The following PCDH15 variants were observed in gnomAD, a reference collection of about 807,000 sequenced individuals.
PCDH15 encodes the protein protocadherin-15.
In PCDH15, 129 loss-of-function variants were observed where a neutral mutation model predicts 178.5. The observed-to-expected ratio is 0.72, with a 90% CI of 0.63 to 0.84. PCDH15 has a LOEUF of 0.84. Ranked by LOEUF, PCDH15 falls within the 40% of genes least tolerant of loss-of-function variation. The pLI, the probability that PCDH15 is intolerant of heterozygous loss-of-function variation, is 0.00. For missense variants in PCDH15, 2,230 were observed against 2,099.9 expected, an observed-to-expected ratio of 1.06 and a Z score of -1.21; for synonymous variants, 800 against 732.0, an observed-to-expected ratio of 1.09 and a Z score of -1.50.
At chr10:55,177,908 G>A (rs1839539706) in intron 1 of PCDH15, among the ~76,000 whole-genome samples, 1 of 152,158 alleles carries the variant, frequency 6.6e-6, no homozygotes, top group African/African-American at 2.4e-5. Flanking sequence ...AGCAGGGTAT[G>A]CAGTAGTCAC....
intron 2 of PCDH15, among the ~76,000 whole-genome samples, chr10:54,912,731 A>G (rs1375935891): frequency 2.0e-5 from 3 of 152,156 alleles, no homozygotes; most frequent in Non-Finnish European, 4.4e-5. Flanking sequence ...GGCAAGGTTG[A>G]AACAGTTTGG....
chr10:55,616,145 A>G (rs528307063), intron 2 of PCDH15, among the ~76,000 whole-genome samples: 1 of 152,292 alleles, frequency 6.6e-6, no homozygotes, highest in African/African-American at 2.4e-5. Context: ...CCACATTTTT[A>G]AAGAAAAGCA....
Position 54,079,419 on chromosome 10 carries a change from C to T in PCDH15, c.2003G>A (p.Gly668Glu), listed in dbSNP as rs2094400330. ...QRVFNLSETT[G>E]ILTLGKALDR... Reference sequence around the variant, plus strand: ...CAGTGCTTTCCCTAAGGTTAGAATCCCCGTGCTAGTGACAAAACAAACAAA... The same window carrying T: ...CAGTGCTTTCCCTAAGGTTAGAATCTCCGTGCTAGTGACAAAACAAACAAA... Residue 668 changes from glycine (G) to glutamate (E), a missense_variant, in exon 17 of 38, where the codon GGG (glycine) becomes GAG (glutamate). Gly to Glu is a moderately conservative substitution (Grantham distance 98). Coordinates refer to ENST00000644397, the MANE Select transcript of PCDH15 (RefSeq NM_001384140.1). The T allele has an allele frequency of 6.2e-7, 1 of 1,613,618 alleles. No individual in the cohort carries two copies. The highest frequency in any genetic ancestry group is 1.3e-5 in the African/African-American group (1 of 74,850).
At chr10:54,131,481 T>C (rs1393211158) in intron 15 of PCDH15, among the ~76,000 whole-genome samples, 1 of 152,172 alleles carries the variant, frequency 6.6e-6, no homozygotes, top group East Asian at 1.9e-4. Flanking sequence ...CTTTGACTTT[T>C]TTTTCCTCCT....
In PCDH15 at chr10:54,811,838, A is replaced by G. The variant is rs979375459; in HGVS notation, c.-29+85612T>C. On this transcript the variant is annotated intron_variant, in intron 3 of 5. Coordinates refer to the PCDH15 transcript ENST00000458638. ...TAGAATCATCTCAGTAAATGTAACT[A>G]AACTGAATAATTATGAGTTTAACAA... 9.8e-5 allele frequency among the ~76,000 whole-genome samples: 15 copies of G among 152,336 alleles called. No homozygotes were observed. In the East Asian group the frequency reaches 2.9e-3, roughly 29 times the overall value.
chr10:54,092,197 A>G (rs2094610384), intron 15 of PCDH15, among the ~76,000 whole-genome samples: 1 of 152,086 alleles, frequency 6.6e-6, no homozygotes, highest in Admixed American at 6.6e-5. Flanking sequence ...CTTACATTCC[A>G]ATGCAACCCA....
At chr10:54,554,481 A>G (rs1590075161) in intron 2 of PCDH15, among the ~76,000 whole-genome samples, 1 of 152,188 alleles carries the variant, frequency 6.6e-6, no homozygotes, top group East Asian at 1.9e-4. Flanking sequence ...AAGACTTAGG[A>G]TAATCTAAGG....
intron 18 of PCDH15, among the ~76,000 whole-genome samples, chr10:54,049,558 T>C (rs1396534510): frequency 1.3e-5 from 2 of 152,214 alleles, no homozygotes; most frequent in African/African-American, 4.8e-5. Flanking sequence ...GCCTAGTTTC[T>C]TGTGGGTTTT....
intron 25 of PCDH15, among the ~76,000 whole-genome samples, chr10:53,911,871 A>G (rs2083118615): frequency 6.6e-6 from 1 of 152,222 alleles, no homozygotes; most frequent in Non-Finnish European, 1.5e-5. Context: ...AGAGGTACAA[A>G]GAGGAGCTGG....
chr10:55,284,530 T>C (rs1385017701), intron 1 of PCDH15, among the ~76,000 whole-genome samples: 1 of 151,780 alleles, frequency 6.6e-6, no homozygotes, highest in African/African-American at 2.4e-5. Flanking sequence ...TAAAAAATGA[T>C]TCTATGACTC....
At chr10:54,335,612 TTC>T (rs1454567068) in intron 6 of PCDH15, among the ~76,000 whole-genome samples, 1 of 152,232 alleles carries the variant, frequency 6.6e-6, no homozygotes, top group Non-Finnish European at 1.5e-5. Context: ...CTTGATTAAA[TTC>T]TCTCTTAGTC....
intron 2 of PCDH15, chr10:54,607,090 T>C (rs959422744): frequency 6.6e-6 from 1 of 152,128 alleles, no homozygotes; most frequent in Non-Finnish European, 1.5e-5. Context: ...AAAGGTCTTT[T>C]AGTTGTCAAA....
intron 2 of PCDH15, among the ~76,000 whole-genome samples, chr10:54,900,604 C>T (rs1954622749): frequency 1.3e-5 from 2 of 152,110 alleles, no homozygotes; most frequent in South Asian, 2.1e-4. Context: ...ACATTAAAAG[C>T]ATTGCTATGA....
intron 25 of PCDH15, among the ~76,000 whole-genome samples, chr10:53,934,592 T>A (rs539801702): frequency 7.0e-4 from 100 of 143,672 alleles, no homozygotes; most frequent in Middle Eastern, 3.4e-3. Context: ...AGTGAGACTC[T>A]GTCTCAAAAA....
At chr10:55,084,816 A>G (rs1418966648) in intron 2 of PCDH15, among the ~76,000 whole-genome samples, 1 of 152,074 alleles carries the variant, frequency 6.6e-6, no homozygotes, top group African/African-American at 2.4e-5. Context: ...AAACAAGCTT[A>G]TGAAAAAGTG....
chr10:54,814,806 T>G (rs574081200), intron 3 of PCDH15, among the ~76,000 whole-genome samples: 6 of 152,274 alleles, frequency 3.9e-5, no homozygotes, highest in Admixed American at 3.3e-4. Context: ...GTTCCAATCA[T>G]GGAACACTAG....
chr10:55,592,959 C>T (rs555216859), intron 2 of PCDH15, among the ~76,000 whole-genome samples: 2 of 151,940 alleles, frequency 1.3e-5, no homozygotes, highest in Non-Finnish European at 2.9e-5. Flanking sequence ...AATGCCTTAA[C>T]GTAATACTAC....
intron 5 of PCDH15, among the ~76,000 whole-genome samples, chr10:54,348,070 G>A (rs560432119): frequency 1.3e-5 from 2 of 151,768 alleles, no homozygotes; most frequent in South Asian, 2.1e-4. Flanking sequence ...GGATGGTCTC[G>A]ATCTCCTGAC....
At chr10:54,835,838 C>T (rs532480016) in intron 3 of PCDH15, among the ~76,000 whole-genome samples, 4 of 152,116 alleles carry the variant, frequency 2.6e-5, no homozygotes, top group African/African-American at 9.6e-5. Flanking sequence ...TCTCAAATAC[C>T]TGATGAAATA....
Sources: gnomAD v4.1 joint callset for allele counts (sites outside exome capture counted in the v4.1 genomes callset) on GRCh38, gnomAD v4.1.1 for gene constraint, MANE v1.5 for transcripts, NCBI Gene and HGNC (gene_info 2026-07-23, HGNC 2026-07-21) for gene names.